The following CDH13 variants were observed in gnomAD, a reference collection of about 807,000 sequenced individuals.
CDH13 encodes the protein cadherin 13.
In CDH13, 24 loss-of-function variants were observed where a neutral mutation model predicts 63.8. The observed-to-expected ratio is 0.38, with a 90% CI of 0.27 to 0.53. The LOEUF (loss-of-function observed/expected upper bound fraction) is 0.53. Among genes scored for constraint, CDH13 ranks in the 20% least tolerant of loss-of-function variants. The probability of loss-of-function intolerance (pLI) is 0.85; values close to 1 mark genes in which losing one functional copy is unlikely to be tolerated. For synonymous variants in CDH13, 503 were observed against 355.3 expected (o/e 1.42, Z -4.67); for missense variants, 1,049 against 903.1 (o/e 1.16, Z -2.07).
chr16:83,551,715 T>C (rs1240119814), intron 7 of CDH13, among the ~76,000 whole-genome samples: 1 of 152,184 alleles, frequency 6.6e-6, no homozygotes, highest in Non-Finnish European at 1.5e-5. Flanking sequence ...CTTGGAGAAA[T>C]AAATGCATCT....
At chr16:83,774,885 T>A (rs906456277) in intron 11 of CDH13, among the ~76,000 whole-genome samples, 1 of 152,308 alleles carries the variant, frequency 6.6e-6, no homozygotes, top group East Asian at 1.9e-4. Flanking sequence ...ACAATTTGAA[T>A]GTACTTAACA....
chr16:82,960,688 G>C (rs1363019971), intron 2 of CDH13, among the ~76,000 whole-genome samples: 2 of 152,072 alleles, frequency 1.3e-5, no homozygotes, highest in Non-Finnish European at 2.9e-5. Context: ...CAGAAACAAA[G>C]AGCACTTGGC....
At chr16:82,726,118 G>A (rs751510903) in intron 1 of CDH13, among the ~76,000 whole-genome samples, 8 of 152,140 alleles carry the variant, frequency 5.3e-5, no homozygotes, top group Non-Finnish European at 8.8e-5. Context: ...TTACTTATGG[G>A]AAAGATATCC....
At chr16:82,937,733 A>G (rs2042715797) in intron 2 of CDH13, among the ~76,000 whole-genome samples, 2 of 152,336 alleles carry the variant, frequency 1.3e-5, no homozygotes, top group South Asian at 4.1e-4. Flanking sequence ...TCATGAATCA[A>G]GCGTCCATAA....
intron 4 of CDH13, among the ~76,000 whole-genome samples, chr16:83,185,900 C>T (rs1234111066): frequency 1.3e-5 from 2 of 152,254 alleles, no homozygotes; most frequent in South Asian, 2.1e-4. Flanking sequence ...TCCCTGAGAA[C>T]CTCTATGTCT....
At chr16:83,041,242 A>C (rs1332627040) in intron 3 of CDH13, among the ~76,000 whole-genome samples, 1 of 152,230 alleles carries the variant, frequency 6.6e-6, no homozygotes, top group East Asian at 1.9e-4. Flanking sequence ...GAATTTCTTA[A>C]AAATAAAACA....
intron 1 of CDH13, among the ~76,000 whole-genome samples, chr16:82,785,371 C>T (rs1284147654): frequency 6.6e-6 from 1 of 152,088 alleles, no homozygotes; most frequent in Non-Finnish European, 1.5e-5. Flanking sequence ...TGACTTCAGG[C>T]CTATTTAATA....
chr16:83,565,919 T>C (rs1904276893), intron 7 of CDH13, among the ~76,000 whole-genome samples: 1 of 152,220 alleles, frequency 6.6e-6, no homozygotes, highest in Admixed American at 6.5e-5. Context: ...TTTGTAAATG[T>C]GTAACTTGTC....
chr16:83,325,350 T>C (rs1024302620), intron 5 of CDH13, among the ~76,000 whole-genome samples: 5 of 152,274 alleles, frequency 3.3e-5, no homozygotes, highest in East Asian at 1.9e-4. Flanking sequence ...GGTTGCCACG[T>C]TGGGTTTGAA....
chr16:82,879,781 T>A (rs1414424597), intron 2 of CDH13, among the ~76,000 whole-genome samples: 1 of 137,626 alleles, frequency 7.3e-6, no homozygotes, highest in Non-Finnish European at 1.5e-5. Context: ...ATATAATATA[T>A]AAGTATATAA....
At chr16:83,369,405 G>A (rs1367792260) in intron 6 of CDH13, among the ~76,000 whole-genome samples, 1 of 151,876 alleles carries the variant, frequency 6.6e-6, no homozygotes, top group Non-Finnish European at 1.5e-5. Context: ...AGAGTGACCA[G>A]AGAGACCCTT....
chr16:83,309,527 C>T (rs1294496663), intron 5 of CDH13, among the ~76,000 whole-genome samples: 1 of 152,226 alleles, frequency 6.6e-6, no homozygotes, highest in Non-Finnish European at 1.5e-5. Flanking sequence ...CAGGCGAGTG[C>T]CGCCACGCCC....
chr16:82,877,456 C>A (rs373377787), intron 2 of CDH13, among the ~76,000 whole-genome samples: 1 of 152,156 alleles, frequency 6.6e-6, no homozygotes, highest in African/African-American at 2.4e-5. Flanking sequence ...TTAAGCACTA[C>A]GCCATGTTGA....
chr16:82,748,778 G>A (rs2034289012), intron 1 of CDH13, among the ~76,000 whole-genome samples: 1 of 152,164 alleles, frequency 6.6e-6, no homozygotes, highest in Non-Finnish European at 1.5e-5. Context: ...GATGGTAGAA[G>A]ACCTGTGGAT....
chr16:82,710,523 A>C (rs1432396311), intron 1 of CDH13, among the ~76,000 whole-genome samples: 1 of 90,582 alleles, frequency 1.1e-5, no homozygotes, highest in Non-Finnish European at 2.1e-5. Context: ...ACAGAGTGAG[A>C]CTCTGTCTCA....
chr16:83,276,343 T>C (rs987509475), intron 5 of CDH13, among the ~76,000 whole-genome samples: 14 of 152,178 alleles, frequency 9.2e-5, no homozygotes, highest in African/African-American at 2.2e-4. Context: ...GGTTTCCTCT[T>C]GTTCTCTGTC....
chr16:83,349,324 A>G (rs767389121), intron 6 of CDH13, among the ~76,000 whole-genome samples: 23 of 152,108 alleles, frequency 1.5e-4, no homozygotes, highest in Non-Finnish European at 3.1e-4. Flanking sequence ...AGAGGGTGAG[A>G]ACTCTTGAAA....
At chr16:83,322,006 T>G (rs959184049) in intron 5 of CDH13, among the ~76,000 whole-genome samples, 1 of 152,198 alleles carries the variant, frequency 6.6e-6, no homozygotes, top group Non-Finnish European at 1.5e-5. Context: ...CAGAGGTAGC[T>G]GTGCAAGGCC....
At chr16:83,313,671 G>C (rs987014026) in intron 5 of CDH13, among the ~76,000 whole-genome samples, 1 of 148,734 alleles carries the variant, frequency 6.7e-6, no homozygotes, top group Non-Finnish European at 1.5e-5. Flanking sequence ...AAAAAAGGGA[G>C]GTCCTTGGTA....
Sources: gnomAD v4.1 joint callset for allele counts (sites outside exome capture counted in the v4.1 genomes callset) on GRCh38, gnomAD v4.1.1 for gene constraint, MANE v1.5 for transcripts, NCBI Gene and HGNC (gene_info 2026-07-23, HGNC 2026-07-21) for gene names.